The following NDST3 variants were observed in gnomAD, a reference collection of about 807,000 sequenced individuals.
NDST3 encodes the protein bifunctional heparan sulfate N-deacetylase/N-sulfotransferase 3.
A neutral mutation model predicts 96.1 loss-of-function variants in NDST3; 58 were observed. That is an observed-to-expected ratio of 0.60 (90% confidence interval 0.49 to 0.75). NDST3 has a LOEUF of 0.75. NDST3 is among the 30% of genes least tolerant of loss of function. NDST3 has a pLI of 0.00. For synonymous variants in NDST3, 333 were observed against 359.7 expected, an observed-to-expected ratio of 0.93 and a Z score of 0.84; for missense variants, 788 against 1,034.2, an observed-to-expected ratio of 0.76 and a Z score of 3.27.
At chr4:118,164,042 G>A (rs1735381779) in intron 6 of NDST3, among the ~76,000 whole-genome samples, 1 of 152,018 alleles carries the variant, frequency 6.6e-6, no homozygotes, top group Non-Finnish European at 1.5e-5. Context: ...AAACACACAT[G>A]CATATGTTTG....
chr4:118,134,353 G>T (rs1272936851), intron 4 of NDST3, among the ~76,000 whole-genome samples: 6 of 152,212 alleles, frequency 3.9e-5, no homozygotes, highest in Non-Finnish European at 8.8e-5. Flanking sequence ...ATCAGGGAAA[G>T]ATTTTGAGTA....
At chr4:118,106,833 G>A (rs1730228007) in intron 3 of NDST3, among the ~76,000 whole-genome samples, 2 of 152,088 alleles carry the variant, frequency 1.3e-5, no homozygotes, top group South Asian at 4.1e-4. Context: ...GCTCATGCCT[G>A]TAATCCCAGC....
chr4:118,149,937 C>A (rs1181642621), intron 6 of NDST3, among the ~76,000 whole-genome samples: 1 of 149,692 alleles, frequency 6.7e-6, no homozygotes, highest in Non-Finnish European at 1.5e-5. Context: ...CCCATCAATA[C>A]CTAATTTATT....
At position 118,053,030 on chromosome 4, in the gene NDST3, G is replaced by T. The variant is rs529293673; in HGVS notation, c.-155-726G>T. Among the ~76,000 whole-genome samples the T allele has an allele frequency of 2.6e-5, 4 of 152,012 alleles. No individual in the cohort carries two copies. The South Asian group carries it at 8.3e-4, about 32-fold the overall frequency. ...AATGGTATAGAAAGTGAATCAATAG[G>T]TAAATTTGCTCTTCTCCAAGAGTAT... On this transcript the variant is annotated intron_variant, in intron 1 of 13. Transcript: ENST00000296499.
Position 118,226,977 on chromosome 4 carries a change from A to C in NDST3, c.1814A>C (p.Lys605Thr). ...AAATTCTTGGTAATAGGACCCCAGAAAACTGGTGAGAACTTTTTATGTTAT... is the reference window on the plus strand; with the variant it reads ...AAATTCTTGGTAATAGGACCCCAGACAACTGGTGAGAACTTTTTATGTTAT... Reference protein sequence around the residue: ...LPKFLVIGPQKTGTTALYLFL... With the variant: ...LPKFLVIGPQTTGTTALYLFL... The change falls in exon 8 of 14, where the codon AAA becomes ACA. Residue 605 changes from lysine (K) to threonine (T), a missense_variant. This residue lies in a region of NDST3 where 490 missense variants were observed against 708.8 expected (regional missense o/e 0.69). Transcript: ENST00000296499. 6.2e-7 allele frequency: 1 copy of C among 1,606,394 alleles called. No individual in the cohort carries two copies.
intron 4 of NDST3, among the ~76,000 whole-genome samples, chr4:118,131,028 T>G (rs1430979348): frequency 6.6e-6 from 1 of 152,192 alleles, no homozygotes; most frequent in Non-Finnish European, 1.5e-5. Context: ...GGGAGTTTGA[T>G]TATTAGATGC....
At chr4:118,098,385 T>C (rs1478590169) in intron 2 of NDST3, among the ~76,000 whole-genome samples, 6 of 152,064 alleles carry the variant, frequency 3.9e-5, no homozygotes, top group Non-Finnish European at 7.4e-5. Flanking sequence ...ACTTATTTTC[T>C]TTTAAAAAGT....
chr4:118,039,646 G>T (rs1324542545), intron 1 of NDST3, among the ~76,000 whole-genome samples: 7 of 152,164 alleles, frequency 4.6e-5, no homozygotes. Flanking sequence ...TGACAGATAA[G>T]GGGGATCAGG....
At position 118,208,430 on chromosome 4, in the gene NDST3, A is replaced by T. The variant is rs1222319370; in HGVS notation, c.1540-16061A>T. ...CTTTCTAGGTATTTTGCTTTTAATTAAGTCTTTATACAGTACCTTAGCTGA... is the reference window on the plus strand; with the variant it reads ...CTTTCTAGGTATTTTGCTTTTAATTTAGTCTTTATACAGTACCTTAGCTGA... On this transcript the variant is annotated intron_variant, in intron 6 of 13. Coordinates refer to ENST00000296499, the MANE Select transcript of NDST3 (RefSeq NM_004784.3). Among the ~76,000 whole-genome samples, 7 of 143,970 alleles carry T rather than the reference A, an allele frequency of 4.9e-5. 1 individual carries two copies. Among genetic ancestry groups the T allele is most frequent in the Non-Finnish European group, 1.1e-4 (7 of 65,022 alleles). The allele number at this position is 143,970 out of a possible 152,430, so 94.4% of individuals were successfully genotyped here. A position where few individuals can be genotyped will look rare whatever the true frequency, so the allele number is the denominator to read the frequency against.
At chr4:118,105,813 C>A (rs796241413) in intron 3 of NDST3, among the ~76,000 whole-genome samples, 9 of 152,176 alleles carry the variant, frequency 5.9e-5, no homozygotes, top group African/African-American at 1.9e-4. Context: ...CTTGAGTATT[C>A]TTTTCTGTTA....
intron 4 of NDST3, among the ~76,000 whole-genome samples, chr4:118,123,254 T>G (rs1560659383): frequency 6.6e-6 from 1 of 152,194 alleles, no homozygotes; most frequent in Non-Finnish European, 1.5e-5. Flanking sequence ...TATCAACTTT[T>G]TATGCTTTCA....
intron 1 of NDST3, among the ~76,000 whole-genome samples, chr4:118,048,200 G>C (rs1724878331): frequency 6.6e-6 from 1 of 152,022 alleles, no homozygotes; most frequent in Non-Finnish European, 1.5e-5. Flanking sequence ...ATTTCAACTA[G>C]ACTGGCCTTA....
chr4:118,078,498 T>A (rs1043640566), intron 2 of NDST3, among the ~76,000 whole-genome samples: 1 of 152,194 alleles, frequency 6.6e-6, no homozygotes, highest in Non-Finnish European at 1.5e-5. Context: ...ACACCTGTAA[T>A]CTCAGCACTT....
At chr4:118,157,244 G>A (rs1463258996) in intron 6 of NDST3, among the ~76,000 whole-genome samples, 1 of 151,148 alleles carries the variant, frequency 6.6e-6, no homozygotes, top group African/African-American at 2.4e-5. Context: ...AGAAATACAG[G>A]AAAAACACAC....
intron 6 of NDST3, chr4:118,193,934 T>C: frequency 1.1e-6 from 1 of 949,394 alleles, no homozygotes; most frequent in Non-Finnish European, 1.7e-6. Context: ...GTATTTGCCT[T>C]CCTTGAAGTA....
At chr4:118,170,859 AT>A (rs1452982365) in intron 6 of NDST3, among the ~76,000 whole-genome samples, 2 of 152,212 alleles carry the variant, frequency 1.3e-5, no homozygotes, top group African/African-American at 4.8e-5. Context: ...TCTCAATTAA[AT>A]GAAGAGAAAG....
At chr4:118,118,759 G>C (rs188842474) in intron 4 of NDST3, among the ~76,000 whole-genome samples, 180 of 152,040 alleles carry the variant, frequency 1.2e-3, no homozygotes, top group African/African-American at 4.2e-3. Flanking sequence ...TTTTGGAAAG[G>C]TACAAATTCT....
chr4:118,178,839 A>T (rs1203095753), intron 6 of NDST3, among the ~76,000 whole-genome samples: 2 of 152,032 alleles, frequency 1.3e-5, no homozygotes, highest in Non-Finnish European at 2.9e-5. Context: ...AACCTTGCCA[A>T]CACATTATTT....
At chr4:118,120,600 T>C (rs1731485787) in intron 4 of NDST3, among the ~76,000 whole-genome samples, 1 of 152,088 alleles carries the variant, frequency 6.6e-6, no homozygotes. Context: ...GCTCTCAGGG[T>C]GGTGTTTGCT....
Sources: gnomAD v4.1 joint callset for allele counts (sites outside exome capture counted in the v4.1 genomes callset) on GRCh38, gnomAD v4.1.1 for gene constraint, gnomAD v4.1.1 regional missense constraint, MANE v1.5 for transcripts, NCBI Gene and HGNC (gene_info 2026-07-23, HGNC 2026-07-21) for gene names.